Variants in TTC6 observed in about 807,000 individuals in gnomAD.
TTC6 encodes the protein tetratricopeptide repeat domain 6, also known as tetratricopeptide repeat protein 6.
In TTC6, 172 loss-of-function variants were observed where a neutral mutation model predicts 210.4. The observed-to-expected ratio is 0.82, with a 90% CI of 0.72 to 0.93. The LOEUF is 0.93. Ranked by LOEUF, TTC6 falls within the 40% of genes least tolerant of loss-of-function variation. The probability of loss-of-function intolerance (pLI) is 0.00; values close to 1 mark genes in which losing one functional copy is unlikely to be tolerated. For synonymous variants in TTC6, 804 were observed against 819.6 expected (o/e 0.98, Z 0.32); for missense variants, 2,414 against 2,318.1 (o/e 1.04, Z -0.85).
chr14:37,671,178 A>T (rs1294421479), intron 1 of TTC6, among the ~76,000 whole-genome samples: 1 of 152,178 alleles, frequency 6.6e-6, no homozygotes, highest in African/African-American at 2.4e-5. Context: ...CTCAGTCATA[A>T]GACTGGCAAT....
At chr14:37,731,550 T>C (rs1486425381) in intron 7 of TTC6, among the ~76,000 whole-genome samples, 1 of 152,210 alleles carries the variant, frequency 6.6e-6, no homozygotes, top group Admixed American at 6.5e-5. Context: ...TAGATTTGTC[T>C]ATATTTTCCT....
intron 16 of TTC6, among the ~76,000 whole-genome samples, chr14:37,791,757 G>C (rs2096079950): frequency 6.6e-6 from 1 of 152,110 alleles, no homozygotes; most frequent in African/African-American, 2.4e-5. Flanking sequence ...TAATTTCTAA[G>C]GTTATTTCTC....
exon 11 of TTC6, chr14:37,749,201 G>A (rs1241895173): frequency 1.3e-6 from 2 of 1,531,504 alleles, no homozygotes; most frequent in Non-Finnish European, 1.7e-6. Flanking sequence ...AAGAGTGAAA[G>A]AACCACCAAA....
At chr14:37,782,769 A>T (rs1388624231) in intron 14 of TTC6, among the ~76,000 whole-genome samples, 1 of 152,242 alleles carries the variant, frequency 6.6e-6, no homozygotes, top group Non-Finnish European at 1.5e-5. Context: ...TGGGTTTGTC[A>T]TAAATGGCTC....
chr14:37,787,979 G>A (rs541505624), intron 15 of TTC6, among the ~76,000 whole-genome samples: 7 of 151,530 alleles, frequency 4.6e-5, no homozygotes, highest in African/African-American at 1.7e-4. Context: ...ATAATATACT[G>A]GGTTCTGAAG....
chr14:37,622,517 G>A (rs1406893849), exon 1 of TTC6: 1 of 1,535,170 alleles, frequency 6.5e-7, no homozygotes, highest in South Asian at 1.2e-5. Context: ...CCGTGGTCCT[G>A]CTGCCTCCGC....
chr14:37,804,797 G>A (rs1595291107), exon 21 of TTC6: 1 of 1,613,892 alleles, frequency 6.2e-7, no homozygotes, highest in Non-Finnish European at 8.5e-7. Context: ...TTACATGGAG[G>A]AAGGCAATTT....
intron 2 of TTC6, among the ~76,000 whole-genome samples, chr14:37,610,119 T>A (rs560897136): frequency 6.6e-6 from 1 of 152,304 alleles, no homozygotes; most frequent in South Asian, 2.1e-4. Flanking sequence ...GCCCACATGG[T>A]AAAGCTGTGT....
intron 7 of TTC6, among the ~76,000 whole-genome samples, chr14:37,733,776 T>G (rs2095894160): frequency 6.6e-6 from 1 of 152,156 alleles, no homozygotes; most frequent in African/African-American, 2.4e-5. Context: ...TTTAGTAATC[T>G]CTATCCATTC....
chr14:37,684,645 G>A lies in TTC6; in HGVS notation c.1257+1681G>A, dbSNP rs114296444. On this transcript the variant is annotated intron_variant, in intron 3 of 30. Transcript: ENST00000553443. ...GACCCTTCAGAAATGCCCTAAAATA[G>A]CACTGAACTATTCCCACCAAGTCTT... 6.5e-3 allele frequency among the ~76,000 whole-genome samples: 989 copies of A among 152,232 alleles called. 7 individuals are homozygous for A. The highest frequency in any genetic ancestry group is 0.02 in the African/African-American group (847 of 41,540).
At chr14:37,747,500 A>G (rs1011769514) in intron 10 of TTC6, among the ~76,000 whole-genome samples, 3 of 152,196 alleles carry the variant, frequency 2.0e-5, no homozygotes, top group Non-Finnish European at 4.4e-5. Context: ...GAAAGAAAAG[A>G]GTTGTATAGT....
At chr14:37,718,891 T>C (rs1452139308) in intron 6 of TTC6, among the ~76,000 whole-genome samples, 1 of 152,118 alleles carries the variant, frequency 6.6e-6, no homozygotes, top group Non-Finnish European at 1.5e-5. Flanking sequence ...TGAGCCGTGA[T>C]CATGCACTCC....
At chr14:37,770,474 A>T (rs1413361464) in intron 14 of TTC6, among the ~76,000 whole-genome samples, 1 of 151,404 alleles carries the variant, frequency 6.6e-6, no homozygotes, top group Non-Finnish European at 1.5e-5. Context: ...TTGCTTTATG[A>T]ATCTGGGTGC....
chr14:37,711,326 C>A (rs550154350), intron 5 of TTC6, among the ~76,000 whole-genome samples: 1 of 151,088 alleles, frequency 6.6e-6, no homozygotes, highest in Admixed American at 6.6e-5. Context: ...AAAAGGCATA[C>A]GGAATAGAAT....
At chr14:37,706,689 A>AT (rs1056793657) in intron 5 of TTC6, among the ~76,000 whole-genome samples, 2 of 152,016 alleles carry the variant, frequency 1.3e-5, no homozygotes, top group African/African-American at 2.4e-5. Flanking sequence ...ATATAAAACA[A>AT]TTTTTTCTGC....
chr14:37,672,789 C>G (rs2095760781), intron 1 of TTC6, among the ~76,000 whole-genome samples: 1 of 145,370 alleles, frequency 6.9e-6, no homozygotes, highest in African/African-American at 2.6e-5. Flanking sequence ...TTTTTGATGA[C>G]TTGATTTAAG....
intron 1 of TTC6, among the ~76,000 whole-genome samples, chr14:37,633,250 G>A (rs1055142076): frequency 6.6e-6 from 1 of 152,222 alleles, no homozygotes; most frequent in African/African-American, 2.4e-5. Context: ...GGGCCCTGGT[G>A]GTGAAGGCAC....
At chr14:37,675,686 G>A (rs1349433620) in intron 1 of TTC6, among the ~76,000 whole-genome samples, 2 of 151,780 alleles carry the variant, frequency 1.3e-5, no homozygotes. Context: ...TACATTCCCG[G>A]TAGCAGCATA....
At chr14:37,807,939 T>C (rs938002327) in intron 23 of TTC6, among the ~76,000 whole-genome samples, 3 of 152,140 alleles carry the variant, frequency 2.0e-5, no homozygotes, top group Non-Finnish European at 2.9e-5. Flanking sequence ...TAATATTCCA[T>C]GACAATTTAT....
Sources: gnomAD v4.1 joint callset for allele counts (sites outside exome capture counted in the v4.1 genomes callset) on GRCh38, gnomAD v4.1.1 for gene constraint, MANE v1.5 for transcripts, NCBI Gene and HGNC (gene_info 2026-07-23, HGNC 2026-07-21) for gene names.